The following MAGI1 variants were observed in gnomAD, a reference collection of about 807,000 sequenced individuals.
MAGI1 encodes membrane-associated guanylate kinase, WW and PDZ domain-containing protein 1.
MAGI1 carries 58 observed loss-of-function variants against 139.9 expected under a neutral mutation model. The ratio of observed to expected loss-of-function variants is 0.41; its 90% confidence interval spans 0.34 to 0.52. The LOEUF is 0.52. MAGI1 is among the 20% of genes least tolerant of loss of function. MAGI1 has a pLI of 0.12. For missense variants in MAGI1, 1,874 were observed against 1,901.6 expected (o/e 0.99, Z 0.27); for synonymous variants, 812 against 737.9 (o/e 1.10, Z -1.63).
intron 2 of MAGI1, among the ~76,000 whole-genome samples, chr3:65,607,820 G>T (rs1434530927): frequency 6.6e-6 from 1 of 152,010 alleles, no homozygotes; most frequent in South Asian, 2.1e-4. Flanking sequence ...GGCTTACTGC[G>T]TATTATGCAT....
intron 14 of MAGI1, among the ~76,000 whole-genome samples, chr3:65,384,748 CAACA>C (rs967696007): frequency 1.8e-4 from 27 of 150,256 alleles, no homozygotes; most frequent in Admixed American, 8.0e-4. Context: ...AATAAACAAA[CAACA>C]AACAAACAAA....
At chr3:65,391,074 A>G in intron 14 of MAGI1, 68 bp downstream of exon 14, 2 of 1,340,270 alleles carry the variant, frequency 1.5e-6, no homozygotes, top group South Asian at 1.3e-5. Flanking sequence ...TATTTTCAAT[A>G]ACCTTCAAGA....
chr3:65,735,589 G>T (rs947772893), intron 1 of MAGI1, among the ~76,000 whole-genome samples: 1 of 152,020 alleles, frequency 6.6e-6, no homozygotes, highest in African/African-American at 2.4e-5. Flanking sequence ...GCTCTTGCTA[G>T]GGATCCGTCC....
intron 2 of MAGI1, among the ~76,000 whole-genome samples, chr3:65,562,327 T>C (rs962435754): frequency 3.9e-5 from 6 of 152,206 alleles, no homozygotes; most frequent in African/African-American, 1.4e-4. Flanking sequence ...ATACTGCCAA[T>C]TAAGTTACAG....
chr3:65,950,115 G>A (rs1372903448), intron 1 of MAGI1, among the ~76,000 whole-genome samples: 6 of 60,390 alleles, frequency 9.9e-5, no homozygotes, highest in African/African-American at 2.9e-4. Context: ...AACAGAACTA[G>A]CAATATTACT....
At chr3:65,406,322 AAG>A (rs1480760233) in intron 12 of MAGI1, among the ~76,000 whole-genome samples, 5 of 151,826 alleles carry the variant, frequency 3.3e-5, no homozygotes, top group African/African-American at 1.2e-4. Context: ...GTTGCTGGGA[AAG>A]AGAGTGGACC....
intron 1 of MAGI1, among the ~76,000 whole-genome samples, chr3:65,746,403 G>A (rs1223070859): frequency 3.3e-5 from 5 of 152,058 alleles, no homozygotes; most frequent in Non-Finnish European, 7.4e-5. Flanking sequence ...TTCTATATAG[G>A]ATGATAAATT....
chr3:65,447,052 C>A (rs1053272703), intron 7 of MAGI1, among the ~76,000 whole-genome samples: 5 of 152,110 alleles, frequency 3.3e-5, no homozygotes, highest in Non-Finnish European at 7.4e-5. Flanking sequence ...GGTCTTTAGG[C>A]AATCTCAAAA....
chr3:65,458,000 G>T (rs2107521717), intron 5 of MAGI1, among the ~76,000 whole-genome samples: 1 of 151,938 alleles, frequency 6.6e-6, no homozygotes, highest in Admixed American at 6.6e-5. Context: ...TACCTCCATG[G>T]GTTCAATTGC....
At chr3:65,566,030 C>A (rs937853803) in intron 2 of MAGI1, among the ~76,000 whole-genome samples, 1 of 151,608 alleles carries the variant, frequency 6.6e-6, no homozygotes, top group Non-Finnish European at 1.5e-5. Flanking sequence ...CTGAGGCGGG[C>A]GGATCACAAG....
intron 1 of MAGI1, among the ~76,000 whole-genome samples, chr3:65,803,312 T>C (rs546554917): frequency 6.6e-6 from 1 of 152,252 alleles, no homozygotes; most frequent in African/African-American, 2.4e-5. Flanking sequence ...AGATTGTACA[T>C]ATGAAAAAAT....
chr3:65,415,540 C>T (rs1264698493), intron 12 of MAGI1, among the ~76,000 whole-genome samples: 2 of 152,176 alleles, frequency 1.3e-5, no homozygotes, highest in African/African-American at 4.8e-5. Flanking sequence ...GCTGGAGACC[C>T]TCACAGCTGA....
rs572722340 is a variant in MAGI1, at chr3:65,530,229, C to T, written c.431-36598G>A. Among the ~76,000 whole-genome samples, 16 of 152,182 alleles carry T rather than the reference C, an allele frequency of 1.1e-4. No homozygotes were observed. The South Asian group carries it at 2.9e-3, about 28-fold the overall frequency. Reference sequence around the variant, plus strand: ...TACTTTGAATGTCACTTTCTGGATACCTGTCATTAATGTCATCCATGTCAC... The same window carrying T: ...TACTTTGAATGTCACTTTCTGGATATCTGTCATTAATGTCATCCATGTCAC... On this transcript the variant is annotated intron_variant, in intron 2 of 22. Transcript: ENST00000402939.
rs556446269 is a variant in MAGI1, at chr3:65,994,200, G to A, written c.313+43796C>T. Among the ~76,000 whole-genome samples the A allele has an allele frequency of 2.1e-5, 3 of 140,734 alleles. No individual in the cohort carries two copies. In the South Asian group the frequency reaches 7.0e-4, roughly 33 times the overall value. The allele number at this position is 140,734 out of a possible 152,430, so 92.3% of individuals were successfully genotyped here. A position where few individuals can be genotyped will look rare whatever the true frequency, so the allele number is the denominator to read the frequency against. On this transcript the variant is annotated intron_variant, in intron 1 of 22. Coordinates refer to ENST00000402939, the MANE Select transcript of MAGI1 (RefSeq NM_001033057.2). ...GAGGCATGAGAATCACTTGAACCTG[G>A]AAAGCAGAGGTTGCAATGAGCCGAG... is the stretch of plus-strand genomic sequence containing the variant.
rs1943496095 is a variant in MAGI1 at position 65,387,009 on chromosome 3, T to TCCAAAGCACTTCCCTTCATGCC, written c.2417-3408_2417-3387dup. 1.7e-5 allele frequency: 12 copies of TCCAAAGCACTTCCCTTCATGCC among 713,456 alleles called. No homozygotes were observed. The South Asian group carries it at 2.1e-4, about 12-fold the overall frequency. 44.2% of individuals were successfully genotyped at this position (713,456 alleles called of 1,614,324 possible). On this transcript the variant is annotated intron_variant, in intron 14 of 22. Coordinates refer to ENST00000402939, the MANE Select transcript of MAGI1 (RefSeq NM_001033057.2). ...TGGTTTGCGTTTGGTCAACAAGAGC[T>TCCAAAGCACTTCCCTTCATGCC]CCAAAGCACTTCCCTTCATGCCCCT...
At chr3:65,767,569 C>A (rs1044745905) in intron 1 of MAGI1, among the ~76,000 whole-genome samples, 2 of 152,182 alleles carry the variant, frequency 1.3e-5, no homozygotes, top group Non-Finnish European at 2.9e-5. Context: ...CAAAGACATT[C>A]ATCCTTCCCT....
chr3:65,507,870 G>C (rs187908966), intron 2 of MAGI1, among the ~76,000 whole-genome samples: 5 of 150,656 alleles, frequency 3.3e-5, no homozygotes, highest in African/African-American at 1.2e-4. Context: ...TCATTGTTAA[G>C]CCAAATTAGG....
chr3:65,837,934 C>CAGAA (rs1435759896), intron 1 of MAGI1, among the ~76,000 whole-genome samples: 2 of 152,152 alleles, frequency 1.3e-5, no homozygotes, highest in African/African-American at 4.8e-5. Flanking sequence ...TTTAGGTTTA[C>CAGAA]AGAAAGTGGT....
At chr3:65,986,869 GAT>G (rs1491162146) in intron 1 of MAGI1, among the ~76,000 whole-genome samples, 1 of 115,346 alleles carries the variant, frequency 8.7e-6, no homozygotes, top group Non-Finnish European at 1.7e-5. Context: ...TTAAGGAAGG[GAT>G]TTTTTTTTTT....
Sources: allele counts gnomAD v4.1 joint callset (sites outside exome capture counted in the v4.1 genomes callset), GRCh38; gene constraint gnomAD v4.1.1; transcripts MANE v1.5; gene names NCBI Gene and HGNC (gene_info 2026-07-23, HGNC 2026-07-21).